BRINP1: variants seen among roughly 807,000 people sequenced by gnomAD.
BRINP1 encodes the protein BMP/retinoic acid inducible neural specific 1, also known as BMP/retinoic acid-inducible neural-specific protein 1.
A neutral mutation model predicts 72.9 loss-of-function variants in BRINP1; 17 were observed. That is an observed-to-expected ratio of 0.23 (90% CI 0.16 to 0.35). The LOEUF is 0.35. Ranked by LOEUF, BRINP1 falls within the 10% of genes least tolerant of loss-of-function variation. The pLI is 1.00. For synonymous variants in BRINP1, 418 were observed against 378.5 expected (o/e 1.10, Z -1.21); for missense variants, 850 against 1,001.6 (o/e 0.85, Z 2.04).
Position 119,297,937 on chromosome 9 carries a change from C to T in BRINP1, c.218+15201G>A, listed in dbSNP as rs547664881. Among the ~76,000 whole-genome samples, 7 of 152,326 alleles carry T rather than the reference C, an allele frequency of 4.6e-5. No homozygotes were observed. In the East Asian group the frequency reaches 5.8e-4, roughly 13 times the overall value. ...CATTTTTCTCTTGCTGACAAGCATCCGGGCCTGGGTGCCCCAGTGCCTTTT... is the reference window on the plus strand; with the variant it reads ...CATTTTTCTCTTGCTGACAAGCATCTGGGCCTGGGTGCCCCAGTGCCTTTT... On this transcript the variant is annotated intron_variant, in intron 2 of 7. Coordinates refer to ENST00000265922, the MANE Select transcript of BRINP1 (RefSeq NM_014618.3).
At chr9:119,299,712 T>G (rs1333983400) in intron 2 of BRINP1, among the ~76,000 whole-genome samples, 3 of 152,228 alleles carry the variant, frequency 2.0e-5, no homozygotes, top group Non-Finnish European at 4.4e-5. Context: ...TCCATGTTGT[T>G]GCAAATGACA....
At chr9:119,242,324 C>T (rs1830260154) in intron 3 of BRINP1, 108 bp from the exon 4 acceptor site, 2 of 865,008 alleles carry the variant, frequency 2.3e-6, no homozygotes, top group South Asian at 3.5e-5. Flanking sequence ...ACCAATGTGG[C>T]CCATGTTTCC....
chr9:119,349,793 G>T (rs1831488391), intron 1 of BRINP1, among the ~76,000 whole-genome samples: 2 of 152,138 alleles, frequency 1.3e-5, no homozygotes, highest in South Asian at 4.1e-4. Context: ...GTGCAGAGGG[G>T]AAAACACGTA....
At chr9:119,323,236 T>C (rs555642029) in intron 1 of BRINP1, among the ~76,000 whole-genome samples, 94 of 152,254 alleles carry the variant, frequency 6.2e-4, no homozygotes, top group African/African-American at 2.2e-3. Flanking sequence ...TGGGAGAACA[T>C]GGAGGATTGG....
intron 7 of BRINP1, among the ~76,000 whole-genome samples, chr9:119,171,002 A>T (rs1484185119): frequency 6.9e-6 from 1 of 144,696 alleles, no homozygotes; most frequent in Non-Finnish European, 1.5e-5. Flanking sequence ...GGAAAGGAAC[A>T]ACCGGTACCA....
chr9:119,254,316 G>C (rs995995718), intron 2 of BRINP1, among the ~76,000 whole-genome samples: 3 of 152,180 alleles, frequency 2.0e-5, no homozygotes, highest in Non-Finnish European at 4.4e-5. Flanking sequence ...AGGGGGTAAA[G>C]CTGTCATTTC....
chr9:119,183,800 T>C (rs1395971780), intron 7 of BRINP1, among the ~76,000 whole-genome samples: 2 of 152,158 alleles, frequency 1.3e-5, no homozygotes, highest in Non-Finnish European at 2.9e-5. Flanking sequence ...TGAGAGAGTA[T>C]CATTTCATTG....
chr9:119,190,412 TA>T (rs200553535), intron 7 of BRINP1, among the ~76,000 whole-genome samples: 31,480 of 131,348 alleles, frequency 0.24, 3,850 homozygotes, highest in Non-Finnish European at 0.31. Flanking sequence ...CTAGCTAGAC[TA>T]AAAAAAAAAA....
intron 2 of BRINP1, among the ~76,000 whole-genome samples, chr9:119,255,737 T>C (rs1588179653): frequency 1.3e-5 from 2 of 151,996 alleles, no homozygotes; most frequent in South Asian, 4.1e-4. Flanking sequence ...GCAGATCGCC[T>C]GAGCTCAGGA....
intron 7 of BRINP1, among the ~76,000 whole-genome samples, chr9:119,193,696 T>C (rs561506621): frequency 3.5e-4 from 53 of 152,282 alleles, no homozygotes; most frequent in South Asian, 3.1e-3. Flanking sequence ...TTTCAAAAAA[T>C]AAAGTGCTTG....
At chr9:119,222,247 C>T (rs1176378255) in intron 5 of BRINP1, among the ~76,000 whole-genome samples, 1 of 152,080 alleles carries the variant, frequency 6.6e-6, no homozygotes, top group Non-Finnish European at 1.5e-5. Context: ...TGGCAAATCA[C>T]TGAGATTCAG....
rs1445796073 is a variant in BRINP1 at position 119,368,361 on chromosome 9, G to A, written c.-51+695C>T. 6.6e-6 allele frequency among the ~76,000 whole-genome samples: 1 copy of A among 152,088 alleles called. No individual in the cohort carries two copies. The highest frequency in any genetic ancestry group is 2.4e-5 in the African/African-American group (1 of 41,418). ...TGACAGCGTCTCATTTGCCTCGGGG[G>A]TTGGCCATGTCTCTTTCATATTAAG... On this transcript the variant is annotated intron_variant, in intron 1 of 7. Transcript: ENST00000265922. The surrounding 1 kb of genome is among the most constrained non-coding windows in gnomAD (Gnocchi z 4.7).
chr9:119,207,181 A>G (rs1454032517), intron 7 of BRINP1, among the ~76,000 whole-genome samples: 1 of 152,180 alleles, frequency 6.6e-6, no homozygotes, highest in Non-Finnish European at 1.5e-5. Flanking sequence ...TCATGGAGGG[A>G]ATAGCAGCAT....
chr9:119,210,608 C>T (rs925458619), intron 6 of BRINP1, among the ~76,000 whole-genome samples: 2 of 151,968 alleles, frequency 1.3e-5, no homozygotes, highest in East Asian at 1.9e-4. Context: ...TATTTCCTCT[C>T]GACACATAAA....
At chr9:119,263,381 C>A (rs1052079501) in intron 2 of BRINP1, among the ~76,000 whole-genome samples, 3 of 152,020 alleles carry the variant, frequency 2.0e-5, no homozygotes, top group African/African-American at 7.2e-5. Flanking sequence ...TGATAAACTC[C>A]TTCTCAAAGT....
intron 1 of BRINP1, among the ~76,000 whole-genome samples, chr9:119,327,161 T>C (rs1231527618): frequency 6.6e-6 from 1 of 152,222 alleles, no homozygotes; most frequent in Non-Finnish European, 1.5e-5. Flanking sequence ...TATTTTATTT[T>C]AGTGCTGGGG....
rs1554752343 is a variant in BRINP1 at position 119,268,285 on chromosome 9, T to TAGATAGATAGATAGACAGAC, written c.219-19136_219-19135insGTCTGTCTATCTATCTATCT. On this transcript the variant is annotated intron_variant, in intron 2 of 7. Coordinates refer to ENST00000265922, the MANE Select transcript of BRINP1 (RefSeq NM_014618.3). The stretch of plus-strand genomic sequence containing the variant: ...ATAGATAGATAGATAGATAGATAGA[T>TAGATAGATAGATAGACAGAC]AGATAGATAGATAGATAAAAGTGTT... 5.3e-3 allele frequency among the ~76,000 whole-genome samples: 788 copies of TAGATAGATAGATAGACAGAC among 148,622 alleles called. 3 individuals carry two copies. The highest frequency in any genetic ancestry group is 0.01 in the Middle Eastern group (3 of 288).
intron 7 of BRINP1, among the ~76,000 whole-genome samples, chr9:119,205,193 A>G (rs906088828): frequency 1.6e-4 from 24 of 152,170 alleles, no homozygotes; most frequent in South Asian, 4.1e-4. Context: ...AGCCCGTCCA[A>G]GGAAGTTCAT....
intron 2 of BRINP1, among the ~76,000 whole-genome samples, chr9:119,283,783 T>G (rs995249241): frequency 1.3e-5 from 2 of 152,186 alleles, no homozygotes; most frequent in African/African-American, 4.8e-5. Flanking sequence ...TCCACCCACC[T>G]CGGCCTCCTA....
Sources: gnomAD v4.1 joint callset for allele counts (sites outside exome capture counted in the v4.1 genomes callset) on GRCh38, gnomAD v4.1.1 for gene constraint, Gnocchi (gnomAD v3.1) non-coding constraint, MANE v1.5 for transcripts, NCBI Gene and HGNC (gene_info 2026-07-23, HGNC 2026-07-21) for gene names.